Variants in ADK observed in about 807,000 individuals in gnomAD.
ADK encodes the protein N6,N6-dimethyladenosine kinase.
In ADK, 24 loss-of-function variants were observed where a neutral mutation model predicts 44.7. The ratio of observed to expected loss-of-function variants is 0.54; its 90% CI spans 0.39 to 0.76. ADK has a LOEUF of 0.76. ADK is among the 30% of genes least tolerant of loss of function. The pLI is 0.00. For synonymous variants in ADK, 128 were observed against 142.6 expected (o/e 0.90, Z 0.73); for missense variants, 321 against 425.1 (o/e 0.76, Z 2.15).
chr10:74,522,986 G>T (rs1212137220), intron 6 of ADK, among the ~76,000 whole-genome samples: 2 of 150,508 alleles, frequency 1.3e-5, no homozygotes, highest in African/African-American at 4.9e-5. Context: ...CCGCAAAAAA[G>T]CGTTTGTGCC....
At chr10:74,365,385 C>T (rs544275746) in intron 4 of ADK, among the ~76,000 whole-genome samples, 1 of 152,094 alleles carries the variant, frequency 6.6e-6, no homozygotes, top group African/African-American at 2.4e-5. Flanking sequence ...TATATGTGAC[C>T]TTTTCTGTCT....
intron 9 of ADK, among the ~76,000 whole-genome samples, chr10:74,628,127 T>G (rs961119305): frequency 6.6e-5 from 10 of 152,220 alleles, no homozygotes; most frequent in Non-Finnish European, 7.3e-5. Context: ...CATTGACAGT[T>G]GTGACATTTA....
At chr10:74,691,419 G>A (rs1855984304) in intron 10 of ADK, among the ~76,000 whole-genome samples, 2 of 152,182 alleles carry the variant, frequency 1.3e-5, no homozygotes, top group Admixed American at 1.3e-4. Flanking sequence ...AAATAACTAT[G>A]TAATTAGCTT....
intron 10 of ADK, among the ~76,000 whole-genome samples, chr10:74,687,479 T>G (rs1223197260): frequency 6.6e-6 from 1 of 152,246 alleles, no homozygotes; most frequent in Non-Finnish European, 1.5e-5. Flanking sequence ...TTGTTCCATT[T>G]AATAGTAAAG....
intron 3 of ADK, among the ~76,000 whole-genome samples, chr10:74,259,896 C>T (rs776570438): frequency 6.6e-6 from 1 of 152,094 alleles, no homozygotes; most frequent in Non-Finnish European, 1.5e-5. Context: ...TAATTCTTTG[C>T]TCACTCGTCT....
chr10:74,629,834 G>A (rs1480867987), intron 9 of ADK, among the ~76,000 whole-genome samples: 1 of 152,064 alleles, frequency 6.6e-6, no homozygotes, highest in Non-Finnish European at 1.5e-5. Context: ...AATGACCTTA[G>A]ATATCAGCTG....
At chr10:74,408,208 G>A (rs1195843688) in intron 6 of ADK, among the ~76,000 whole-genome samples, 1 of 150,038 alleles carries the variant, frequency 6.7e-6, no homozygotes, top group Non-Finnish European at 1.5e-5. Context: ...GGCTAGGCTG[G>A]TCTTGAACTC....
chr10:74,683,747 T>C (rs1051942604), intron 10 of ADK, among the ~76,000 whole-genome samples: 1 of 152,228 alleles, frequency 6.6e-6, no homozygotes, highest in Admixed American at 6.5e-5. Flanking sequence ...ACAAGTAACA[T>C]TTTTAAGGGG....
chr10:74,203,926 A>C (rs938895399), intron 2 of ADK, among the ~76,000 whole-genome samples: 1 of 151,020 alleles, frequency 6.6e-6, no homozygotes, highest in African/African-American at 2.4e-5. Flanking sequence ...TTATGAAGAC[A>C]GAATGTCTTT....
intron 3 of ADK, among the ~76,000 whole-genome samples, chr10:74,302,145 T>TGAGATGGAGTCTTGC: frequency 1.6e-5 from 2 of 121,502 alleles, no homozygotes; most frequent in African/African-American, 3.3e-5. Flanking sequence ...TTTTTTTTTT[T>TGAGATGGAGTCTTGC]TGAGATGGAG....
At chr10:74,206,914 G>A (rs1843619152) in intron 2 of ADK, among the ~76,000 whole-genome samples, 1 of 152,262 alleles carries the variant, frequency 6.6e-6, no homozygotes, top group African/African-American at 2.4e-5. Flanking sequence ...AGGTTTGCTT[G>A]TGCCTGCCAG....
At chr10:74,460,751 T>G (rs1846149941) in intron 6 of ADK, among the ~76,000 whole-genome samples, 1 of 152,182 alleles carries the variant, frequency 6.6e-6, no homozygotes, top group South Asian at 2.1e-4. Flanking sequence ...TTGTGTCCTC[T>G]CCTCTGAAGT....
chr10:74,326,730 T>C (rs1312018344), intron 4 of ADK, among the ~76,000 whole-genome samples: 2 of 152,140 alleles, frequency 1.3e-5, no homozygotes, highest in African/African-American at 2.4e-5. Flanking sequence ...TCTTTACTTA[T>C]TGGTCTGTTC....
intron 4 of ADK, among the ~76,000 whole-genome samples, chr10:74,388,170 G>C (rs940588846): frequency 6.6e-6 from 1 of 152,198 alleles, no homozygotes; most frequent in Non-Finnish European, 1.5e-5. Context: ...GCTTCCCAAA[G>C]TGTCGGGATT....
chr10:74,387,738 T>C lies in ADK; in HGVS notation c.274-6403T>C, dbSNP rs141037403. Reference sequence around the variant, plus strand: ...ACTAATTGAAGTATTTATTTGAAGTTACCAATAGTGGCCGTGGTTTTCCTA... The same window carrying C: ...ACTAATTGAAGTATTTATTTGAAGTCACCAATAGTGGCCGTGGTTTTCCTA... On this transcript the variant is annotated intron_variant, in intron 4 of 10. Coordinates refer to ENST00000539909, the MANE Select transcript of ADK (RefSeq NM_006721.4). Among the ~76,000 whole-genome samples the C allele has an allele frequency of 2.4e-3, 366 of 152,322 alleles. 2 individuals carry two copies. The highest frequency in any genetic ancestry group is 8.4e-3 in the African/African-American group (348 of 41,564).
At position 74,179,577 on chromosome 10, in the gene ADK, C is replaced by T. The variant is rs575467941; in HGVS notation, c.66-21187C>T. ...TGTATTAGCATGCTAAAATACACTC[C>T]CACCAGTGCCATTGACAGTTTACAA... is the stretch of plus-strand genomic sequence containing the variant. On this transcript the variant is annotated intron_variant, in intron 1 of 10. Transcript: ENST00000539909. 5.3e-5 allele frequency among the ~76,000 whole-genome samples: 8 copies of T among 152,214 alleles called. No homozygotes were observed. The South Asian group carries it at 1.7e-3, about 32-fold the overall frequency.
chr10:74,258,738 T>G (rs994614241), intron 3 of ADK, among the ~76,000 whole-genome samples: 17 of 152,176 alleles, frequency 1.1e-4, no homozygotes, highest in Admixed American at 6.5e-4. Flanking sequence ...GTAGCTGTTA[T>G]GTTTACTGTT....
chr10:74,222,907 T>A (rs1159243709), intron 2 of ADK, among the ~76,000 whole-genome samples: 2 of 151,964 alleles, frequency 1.3e-5, no homozygotes, highest in African/African-American at 4.8e-5. Context: ...ATATACCTAA[T>A]GCTAGATGAC....
At chr10:74,163,938 T>G (rs2132041766) in intron 1 of ADK, among the ~76,000 whole-genome samples, 1 of 152,332 alleles carries the variant, frequency 6.6e-6, no homozygotes, top group Admixed American at 6.5e-5. Flanking sequence ...GCTGAGACCT[T>G]AGTTATCATT....
Sources: gnomAD v4.1 joint callset for allele counts (sites outside exome capture counted in the v4.1 genomes callset) on GRCh38, gnomAD v4.1.1 for gene constraint, MANE v1.5 for transcripts, NCBI Gene and HGNC (gene_info 2026-07-23, HGNC 2026-07-21) for gene names.